Variants in CAMTA1 observed in about 807,000 individuals in gnomAD.
CAMTA1 encodes calmodulin binding transcription activator 1, also known as calmodulin-binding transcription activator 1.
CAMTA1 carries 27 observed loss-of-function variants against 170.9 expected under a neutral mutation model. The ratio of observed to expected loss-of-function variants is 0.16; its 90% CI spans 0.12 to 0.22. CAMTA1 has a LOEUF of 0.22. CAMTA1 is among the 10% of genes least tolerant of loss of function. The pLI, the probability that CAMTA1 is intolerant of heterozygous loss-of-function variation, is 1.00. For synonymous variants in CAMTA1, 833 were observed against 891.5 expected (o/e 0.93, Z 1.17); for missense variants, 1,619 against 2,217.2 (o/e 0.73, Z 5.42).
At chr1:7,446,381 T>C (rs1389676088) in intron 5 of CAMTA1, among the ~76,000 whole-genome samples, 1 of 152,148 alleles carries the variant, frequency 6.6e-6, no homozygotes, top group Non-Finnish European at 1.5e-5. Flanking sequence ...AATATAACAA[T>C]ATTTGATCAC....
intron 11 of CAMTA1, among the ~76,000 whole-genome samples, chr1:7,701,202 G>C (rs759003368): frequency 6.6e-6 from 1 of 152,202 alleles, no homozygotes; most frequent in Non-Finnish European, 1.5e-5. Flanking sequence ...CAAGTTATCT[G>C]ACTTTTTGAA....
At chr1:6,920,978 G>A (rs1681882492) in intron 3 of CAMTA1, among the ~76,000 whole-genome samples, 1 of 152,210 alleles carries the variant, frequency 6.6e-6, no homozygotes, top group African/African-American at 2.4e-5. Flanking sequence ...TTTCCCCATT[G>A]TCTTGGGGAC....
chr1:7,352,690 C>CTG (rs533870878), intron 5 of CAMTA1, among the ~76,000 whole-genome samples: 8 of 152,260 alleles, frequency 5.3e-5, no homozygotes, highest in Non-Finnish European at 7.3e-5. Flanking sequence ...GCATAAGCCT[C>CTG]TGTGAGTGCA....
chr1:6,851,130 A>C (rs1217746787), intron 3 of CAMTA1, among the ~76,000 whole-genome samples: 1 of 152,208 alleles, frequency 6.6e-6, no homozygotes, highest in Non-Finnish European at 1.5e-5. Context: ...ATGGAAGTGG[A>C]TCGACAGGGA....
intron 20 of CAMTA1, 86 bp from the exon 21 acceptor site, chr1:7,752,373 T>C: frequency 8.7e-7 from 1 of 1,145,818 alleles, no homozygotes; most frequent in Non-Finnish European, 1.3e-6. Context: ...ACTGCTTAAT[T>C]CAGAGTCCTC....
chr1:7,392,678 A>G (rs930509463), intron 5 of CAMTA1, among the ~76,000 whole-genome samples: 2 of 151,894 alleles, frequency 1.3e-5, no homozygotes, highest in African/African-American at 4.8e-5. Context: ...GTTCGAGACC[A>G]GCCTGGGCAA....
At chr1:7,018,670 G>A (rs1700918354) in intron 3 of CAMTA1, among the ~76,000 whole-genome samples, 1 of 152,154 alleles carries the variant, frequency 6.6e-6, no homozygotes, top group Non-Finnish European at 1.5e-5. Context: ...TCGATAACCG[G>A]AATCAGCACC....
chr1:7,371,511 C>T (rs1033495750), intron 5 of CAMTA1, among the ~76,000 whole-genome samples: 7 of 152,170 alleles, frequency 4.6e-5, no homozygotes, highest in African/African-American at 7.2e-5. Context: ...CTGCCCGCCT[C>T]GGCCTCCCAA....
intron 11 of CAMTA1, among the ~76,000 whole-genome samples, chr1:7,679,548 G>C (rs888190660): frequency 6.8e-6 from 1 of 146,994 alleles, no homozygotes; most frequent in Non-Finnish European, 1.5e-5. Context: ...TGGGCCTGCC[G>C]CCAAGCTGGG....
intron 5 of CAMTA1, among the ~76,000 whole-genome samples, chr1:7,458,974 A>C (rs970754685): frequency 6.6e-6 from 1 of 152,248 alleles, no homozygotes; most frequent in African/African-American, 2.4e-5. Flanking sequence ...ATGTGAATTG[A>C]ATCATTTGGT....
At chr1:7,107,435 G>C (rs1643719924) in intron 4 of CAMTA1, among the ~76,000 whole-genome samples, 1 of 152,104 alleles carries the variant, frequency 6.6e-6, no homozygotes, top group Non-Finnish European at 1.5e-5. Context: ...CGTGAACTTT[G>C]GTGGGGAACG....
At position 7,680,450 on chromosome 1, in the gene CAMTA1, ACT is replaced by A. The variant is rs533629160; in HGVS notation, c.2914+2723_2914+2724del. On this transcript the variant is annotated intron_variant, in intron 11 of 22. Transcript: ENST00000303635. This position sits in a 1 kb window ranked among gnomAD's most constrained non-coding sequence, Gnocchi z 4.4. ...GGCTGCCGGCGGCGCGCGTGCACAC[ACT>A]CTCTCCCACGCGCGCGCCCTCCCGC... Among the ~76,000 whole-genome samples the A allele has an allele frequency of 7.3e-4, 110 of 151,074 alleles. 2 individuals are homozygous for A. The South Asian group carries it at 0.022, about 30-fold the overall frequency.
At chr1:7,494,025 C>G (rs2093784993) in intron 6 of CAMTA1, among the ~76,000 whole-genome samples, 3 of 152,158 alleles carry the variant, frequency 2.0e-5, no homozygotes, top group African/African-American at 7.2e-5. Context: ...TTGCCACTCC[C>G]CCGTGCATTT....
chr1:7,709,925 T>C (rs1478629578), intron 11 of CAMTA1, among the ~76,000 whole-genome samples: 1 of 152,242 alleles, frequency 6.6e-6, no homozygotes, highest in Non-Finnish European at 1.5e-5. Context: ...GTGTGTGTGC[T>C]GGCTTCTATT....
intron 3 of CAMTA1, among the ~76,000 whole-genome samples, chr1:6,867,482 G>A (rs1571155220): frequency 6.6e-6 from 1 of 152,338 alleles, no homozygotes; most frequent in African/African-American, 2.4e-5. Flanking sequence ...TGGAATAGAG[G>A]TGGAGATGGT....
intron 5 of CAMTA1, among the ~76,000 whole-genome samples, chr1:7,451,808 C>T (rs984550874): frequency 1.3e-5 from 2 of 152,210 alleles, no homozygotes; most frequent in African/African-American, 4.8e-5. Context: ...CCCTCAGCTC[C>T]CCTGGTTTCC....
chr1:7,098,757 T>G (rs964906949), intron 4 of CAMTA1, among the ~76,000 whole-genome samples: 1 of 152,168 alleles, frequency 6.6e-6, no homozygotes, highest in Non-Finnish European at 1.5e-5. Flanking sequence ...ACTGATGGCC[T>G]GGTGGGGTAT....
In CAMTA1 at chr1:6,906,960, G is replaced by T. The variant is rs192407843; in HGVS notation, c.234+81750G>T. 2.6e-5 allele frequency among the ~76,000 whole-genome samples: 4 copies of T among 152,194 alleles called. No homozygotes were observed. The South Asian group carries it at 8.3e-4, about 32-fold the overall frequency. On this transcript the variant is annotated intron_variant, in intron 3 of 22. Coordinates refer to ENST00000303635, the MANE Select transcript of CAMTA1 (RefSeq NM_015215.4). ...ACCCGCTGTAGAGGTGGGAGCTGTT[G>T]TCTCTCCCATCCCCCGCGTCCCAGC...
At chr1:7,337,132 T>C (rs2083434396) in intron 5 of CAMTA1, among the ~76,000 whole-genome samples, 1 of 152,164 alleles carries the variant, frequency 6.6e-6, no homozygotes, top group African/African-American at 2.4e-5. Context: ...TTGAGCAGAA[T>C]GTTGGTGAGT....
Sources: gnomAD v4.1 joint callset for allele counts (sites outside exome capture counted in the v4.1 genomes callset) on GRCh38, gnomAD v4.1.1 for gene constraint, Gnocchi (gnomAD v3.1) non-coding constraint, MANE v1.5 for transcripts, NCBI Gene and HGNC (gene_info 2026-07-23, HGNC 2026-07-21) for gene names.